SLK: variants seen among roughly 807,000 people sequenced by gnomAD.
The protein encoded by SLK is STE20 like kinase.
Under a neutral mutation model 147.7 loss-of-function variants are expected in SLK, and 67 were observed. That is an observed-to-expected ratio of 0.45 (90% CI 0.37 to 0.56). The LOEUF is 0.56. Among genes scored for constraint, SLK ranks in the 20% least tolerant of loss-of-function variants. SLK has a pLI of 0.00. For synonymous variants in SLK, 441 were observed against 475.0 expected, an observed-to-expected ratio of 0.93 and a Z score of 0.93; for missense variants, 1,136 against 1,438.8, an observed-to-expected ratio of 0.79 and a Z score of 3.41.
At chr10:103,994,364 CTT>C (rs1171234859) in intron 4 of SLK, among the ~76,000 whole-genome samples, 3 of 152,176 alleles carry the variant, frequency 2.0e-5, no homozygotes, top group African/African-American at 7.2e-5. Flanking sequence ...TTTATCCTGA[CTT>C]TTATATTATT....
intron 13 of SLK, among the ~76,000 whole-genome samples, chr10:104,011,204 G>A (rs968085022): frequency 6.6e-6 from 1 of 152,206 alleles, no homozygotes; most frequent in East Asian, 1.9e-4. Context: ...GGAGCTTATA[G>A]TTTTAAGTAG....
At chr10:103,987,228 G>A (rs1408163982) in intron 1 of SLK, among the ~76,000 whole-genome samples, 2 of 151,270 alleles carry the variant, frequency 1.3e-5, no homozygotes, top group East Asian at 3.9e-4. Flanking sequence ...ATCATTGTTG[G>A]TATAATCAAT....
chr10:104,018,881 A>G lies in SLK; in HGVS notation c.3105A>G (p.Arg1035=). 1.9e-6 allele frequency: 3 copies of G among 1,603,622 alleles called. No individual in the cohort carries two copies. In the South Asian group the frequency reaches 3.4e-5, roughly 18 times the overall value. Reference sequence around the variant, plus strand: ...TTAAAGATCAGTATTTCATGCAAAGACATCAGCTACTTAAGCGCCACGAGA... The same window carrying G: ...TTAAAGATCAGTATTTCATGCAAAGGCATCAGCTACTTAAGCGCCACGAGA... ...QQLKDQYFMQ[R]HQLLKRHEKE... The change falls in exon 15 of 19, where the codon AGA becomes AGG. Residue 1035 remains arginine (R), a synonymous_variant. Transcript: ENST00000369755.
chr10:104,025,072 G>C (rs776350638), intron 18 of SLK, among the ~76,000 whole-genome samples: 26 of 152,108 alleles, frequency 1.7e-4, no homozygotes, highest in Admixed American at 1.5e-3. Flanking sequence ...TTTTTGCTCT[G>C]TATTATGGGG....
intron 2 of SLK, among the ~76,000 whole-genome samples, chr10:103,992,141 G>GTTTTTTTGTTT (rs1554842833): frequency 2.2e-5 from 2 of 91,792 alleles, no homozygotes; most frequent in Non-Finnish European, 4.2e-5. Context: ...TATTTCTTCT[G>GTTTTTTTGTTT]TTTTTTTTTT....
At chr10:103,992,882 T>C (rs1844119512) in intron 3 of SLK, 102 bp from the exon 4 acceptor site, 1 of 823,046 alleles carries the variant, frequency 1.2e-6, no homozygotes, top group East Asian at 2.6e-5. Context: ...ATTCCCTGCA[T>C]ATGATCTTTG....
At chr10:104,016,884 G>C (rs1263805055) in intron 13 of SLK, among the ~76,000 whole-genome samples, 1 of 151,770 alleles carries the variant, frequency 6.6e-6, no homozygotes, top group Non-Finnish European at 1.5e-5. Context: ...ATGTGCAAGA[G>C]GGGGGATTGC....
At position 104,003,087 on chromosome 10, in the gene SLK, A is replaced by G. The variant is rs765227048; in HGVS notation, c.1909A>G (p.Thr637Ala). 2 of 1,614,044 alleles carry G rather than the reference A, an allele frequency of 1.2e-6. No individual in the cohort carries two copies. The highest frequency in any genetic ancestry group is 2.7e-5 in the African/African-American group (2 of 74,938). ...IMDINEEPGTTEGEEITESSS... is the reference protein window; with the variant it reads ...IMDINEEPGTAEGEEITESSS... ...GGACATCAATGAGGAACCAGGAACA[A>G]CTGAAGGTGAAGAAATCACTGAGTC... Residue 637 changes from threonine (T) to alanine (A), a missense_variant, in exon 9 of 19, where the codon ACT becomes GCT. Around this residue, in one of 6 missense-constraint regions of SLK, gnomAD observed 516 missense variants for 531.3 expected, o/e 0.97. Coordinates refer to ENST00000369755, the MANE Select transcript of SLK (RefSeq NM_014720.4).
At chr10:104,019,490 T>C (rs1457470765) in intron 15 of SLK, among the ~76,000 whole-genome samples, 1 of 152,120 alleles carries the variant, frequency 6.6e-6, no homozygotes, top group African/African-American at 2.4e-5. Context: ...CAGGCTGGTC[T>C]CAAACTCCTA....
rs1244190605 is a variant in SLK at position 104,028,295 on chromosome 10, T to C, written c.*2575T>C. 1 of 152,186 alleles carries C rather than the reference T, an allele frequency of 6.6e-6. No individual in the cohort carries two copies. Among genetic ancestry groups the C allele is most frequent in the Non-Finnish European group, 1.5e-5 (1 of 68,048 alleles). 9.4% of individuals were successfully genotyped at this position (152,186 alleles called of 1,614,324 possible). ...CTCATCAGCCACCTCCTCCCCTCTT[T>C]CCCTGAGTGCTGTGAACACAGCAGA... On this transcript the variant is annotated 3_prime_UTR_variant, in exon 19 of 19. Transcript: ENST00000369755.
intron 13 of SLK, among the ~76,000 whole-genome samples, chr10:104,017,375 G>A (rs1162545171): frequency 1.3e-5 from 2 of 152,144 alleles, no homozygotes; most frequent in Admixed American, 6.5e-5. Flanking sequence ...ATCTTCTTCT[G>A]TTAGGATAGC....
intron 13 of SLK, among the ~76,000 whole-genome samples, chr10:104,015,564 G>A (rs549035272): frequency 6.6e-6 from 1 of 152,268 alleles, no homozygotes; most frequent in South Asian, 2.1e-4. Context: ...GTTGATACTT[G>A]GGACCAATTG....
intron 7 of SLK, 39 bp from the exon 8 acceptor site, chr10:104,001,405 A>G (rs1268594496): frequency 6.5e-7 from 1 of 1,527,906 alleles, no homozygotes; most frequent in Non-Finnish European, 9.1e-7. Context: ...GTTTAGTAGT[A>G]TTCCAGTTGT....
At chr10:103,970,867 T>A (rs1296086767) in intron 1 of SLK, among the ~76,000 whole-genome samples, 1 of 152,198 alleles carries the variant, frequency 6.6e-6, no homozygotes, top group African/African-American at 2.4e-5. Context: ...GATTTTGGAA[T>A]TTTTTGGATT....
In SLK at chr10:104,025,960, A is replaced by G. The variant is rs552519898; in HGVS notation, c.*240A>G. 1.3e-5 allele frequency: 5 copies of G among 380,758 alleles called. No homozygotes were observed. Among genetic ancestry groups the G allele is most frequent in the Admixed American group, 4.3e-5 (1 of 23,182 alleles). The allele number at this position is 380,758 out of a possible 1,614,324, so 23.6% of individuals were successfully genotyped here. On this transcript the variant is annotated 3_prime_UTR_variant, in exon 19 of 19. Coordinates refer to ENST00000369755, the MANE Select transcript of SLK (RefSeq NM_014720.4). The stretch of plus-strand genomic sequence containing the variant: ...ATCTTGGTGACTAAGGTGACTTTGT[A>G]TATTCATCTTAAAAATTATGTTCTT...
intron 7 of SLK, 44 bp from the exon 8 acceptor site, chr10:104,001,400 G>A (rs1489023418): frequency 6.7e-7 from 1 of 1,489,554 alleles, no homozygotes; most frequent in Non-Finnish European, 9.4e-7. Context: ...ACTTAGTTTA[G>A]TAGTATTCCA....
intron 1 of SLK, among the ~76,000 whole-genome samples, chr10:103,981,657 A>G (rs1299297829): frequency 1.4e-5 from 2 of 146,162 alleles, no homozygotes; most frequent in Non-Finnish European, 3.0e-5. Flanking sequence ...ATTAGACCAT[A>G]TATATGCCAG....
At chr10:103,977,610 C>G (rs138543041) in intron 1 of SLK, among the ~76,000 whole-genome samples, 16 of 152,306 alleles carry the variant, frequency 1.1e-4, no homozygotes, top group South Asian at 4.1e-4. Flanking sequence ...GACCTCGTCT[C>G]AAACAACAAC....
intron 14 of SLK, among the ~76,000 whole-genome samples, 189 bp downstream of exon 14, chr10:104,018,478 A>G (rs1362570758): frequency 6.6e-6 from 1 of 152,108 alleles, no homozygotes; most frequent in East Asian, 1.9e-4. Context: ...TTAGAATGGG[A>G]TTTAAAGTAC....
Sources: gnomAD v4.1 joint callset for allele counts (sites outside exome capture counted in the v4.1 genomes callset) on GRCh38, gnomAD v4.1.1 for gene constraint, gnomAD v4.1.1 regional missense constraint, MANE v1.5 for transcripts, NCBI Gene and HGNC (gene_info 2026-07-23, HGNC 2026-07-21) for gene names.